Variants in CCSER1 observed in about 807,000 individuals in gnomAD.
CCSER1 encodes the protein coiled-coil serine rich protein 1, also known as serine-rich coiled-coil domain-containing protein 1.
CCSER1 carries 41 observed loss-of-function variants against 82.0 expected under a neutral mutation model. That is an observed-to-expected ratio of 0.50 (90% CI 0.39 to 0.65). The LOEUF is 0.65. CCSER1 is among the 30% of genes least tolerant of loss of function. The pLI, the probability that CCSER1 is intolerant of heterozygous loss-of-function variation, is 0.00. For synonymous variants in CCSER1, 414 were observed against 383.9 expected, an observed-to-expected ratio of 1.08 and a Z score of -0.92; for missense variants, 1,119 against 1,064.2, an observed-to-expected ratio of 1.05 and a Z score of -0.72.
At chr4:90,904,820 G>A (rs1251166471) in intron 8 of CCSER1, among the ~76,000 whole-genome samples, 1 of 152,064 alleles carries the variant, frequency 6.6e-6, no homozygotes, top group Non-Finnish European at 1.5e-5. Flanking sequence ...CTACATACCT[G>A]CTTGGATGTT....
chr4:91,573,164 G>T (rs1413733661), intron 10 of CCSER1, among the ~76,000 whole-genome samples: 2 of 152,198 alleles, frequency 1.3e-5, no homozygotes, highest in Admixed American at 6.5e-5. Context: ...ACCCTGGTTG[G>T]CTTGTACTCC....
At chr4:91,598,464 T>C (rs1439001802) in intron 10 of CCSER1, 108 bp from the exon 11 acceptor site, 1 of 1,187,728 alleles carries the variant, frequency 8.4e-7, no homozygotes, top group East Asian at 2.6e-5. Flanking sequence ...TAAACCTCAT[T>C]GAAAATTTAC....
At chr4:91,422,216 A>G (rs996926690) in intron 10 of CCSER1, among the ~76,000 whole-genome samples, 2 of 152,112 alleles carry the variant, frequency 1.3e-5, no homozygotes, top group African/African-American at 4.8e-5. Flanking sequence ...TTGTTACATC[A>G]GCAAAAAAAA....
intron 6 of CCSER1, among the ~76,000 whole-genome samples, 200 bp downstream of exon 6, chr4:90,628,432 T>C (rs918378804): frequency 1.3e-5 from 2 of 152,150 alleles, no homozygotes; most frequent in Admixed American, 1.3e-4. Context: ...AGCCTTAAAA[T>C]TGTAAGAGTT....
chr4:90,141,273 G>T (rs1215022029), intron 1 of CCSER1, among the ~76,000 whole-genome samples: 4 of 152,072 alleles, frequency 2.6e-5, no homozygotes, highest in Non-Finnish European at 5.9e-5. Flanking sequence ...AGGGTAATCT[G>T]CTTTACTTAA....
At chr4:91,046,916 G>C (rs1742554446) in intron 9 of CCSER1, among the ~76,000 whole-genome samples, 1 of 151,916 alleles carries the variant, frequency 6.6e-6, no homozygotes, top group Admixed American at 6.6e-5. Flanking sequence ...CAGGCTTTCA[G>C]CATGTTGGCC....
intron 10 of CCSER1, among the ~76,000 whole-genome samples, chr4:91,344,390 A>G (rs569579046): frequency 1.3e-5 from 2 of 152,338 alleles, no homozygotes; most frequent in African/African-American, 4.8e-5. Flanking sequence ...TAATAATTAT[A>G]ACAAAGAAAT....
chr4:90,825,592 A>C (rs1760313856), intron 8 of CCSER1, among the ~76,000 whole-genome samples: 1 of 152,140 alleles, frequency 6.6e-6, no homozygotes, highest in African/African-American at 2.4e-5. Context: ...AAATTACAGC[A>C]AATTTAGTTT....
chr4:90,562,841 CT>C (rs535276224), intron 5 of CCSER1, among the ~76,000 whole-genome samples: 53 of 133,412 alleles, frequency 4.0e-4, no homozygotes, highest in East Asian at 2.2e-3. Context: ...CCCAGCCTCC[CT>C]TTTTTTTTTT....
intron 10 of CCSER1, among the ~76,000 whole-genome samples, chr4:91,509,797 A>C (rs1284796820): frequency 6.6e-6 from 1 of 152,204 alleles, no homozygotes; most frequent in African/African-American, 2.4e-5. Context: ...CATAATTAAT[A>C]GAATATAGAT....
chr4:91,325,743 A>C (rs1746512449), intron 10 of CCSER1, among the ~76,000 whole-genome samples: 1 of 152,220 alleles, frequency 6.6e-6, no homozygotes, highest in Non-Finnish European at 1.5e-5. Context: ...TCACTTTTAT[A>C]CTATTTCAGT....
Position 90,753,461 on chromosome 4 carries a change from G to T in CCSER1, c.2010+29470G>T, listed in dbSNP as rs546379537. ...AAAAATAAGAGAGAGAGAGGAAAAAGAATAGAAATTCATACTTGATTTTTC... is the reference window on the plus strand; with the variant it reads ...AAAAATAAGAGAGAGAGAGGAAAAATAATAGAAATTCATACTTGATTTTTC... On this transcript the variant is annotated intron_variant, in intron 7 of 10. Transcript: ENST00000509176. 1.2e-4 allele frequency among the ~76,000 whole-genome samples: 19 copies of T among 152,174 alleles called. No individual in the cohort carries two copies. In the East Asian group the frequency reaches 3.7e-3, roughly 29 times the overall value.
At chr4:90,440,515 T>A (rs1759710474) in intron 4 of CCSER1, among the ~76,000 whole-genome samples, 1 of 152,180 alleles carries the variant, frequency 6.6e-6, no homozygotes, top group Non-Finnish European at 1.5e-5. Context: ...GAGATAATTA[T>A]CCTTGGCTAC....
intron 4 of CCSER1, among the ~76,000 whole-genome samples, chr4:90,408,834 A>G (rs1271352742): frequency 6.6e-6 from 1 of 152,194 alleles, no homozygotes; most frequent in African/African-American, 2.4e-5. Flanking sequence ...AAACTACTCC[A>G]AGCTAAAGGA....
At chr4:90,715,279 C>A (rs1372568434) in intron 6 of CCSER1, among the ~76,000 whole-genome samples, 1 of 151,988 alleles carries the variant, frequency 6.6e-6, no homozygotes, top group Non-Finnish European at 1.5e-5. Context: ...ACCTACTCGT[C>A]CCTATGTGAA....
chr4:90,566,545 G>A (rs1779400719), intron 5 of CCSER1, among the ~76,000 whole-genome samples: 1 of 151,172 alleles, frequency 6.6e-6, no homozygotes, highest in Non-Finnish European at 1.5e-5. Context: ...TGCATCAAGG[G>A]CTTTATTCAT....
At chr4:90,926,007 T>A (rs774627947) in intron 9 of CCSER1, among the ~76,000 whole-genome samples, 1 of 152,016 alleles carries the variant, frequency 6.6e-6, no homozygotes, top group African/African-American at 2.4e-5. Flanking sequence ...TAAAACACTT[T>A]CAGTATCATA....
chr4:90,403,498 C>CAAAAAAA (rs753570201), intron 4 of CCSER1, among the ~76,000 whole-genome samples: 731 of 38,958 alleles, frequency 0.019, no homozygotes, highest in Non-Finnish European at 0.025. Flanking sequence ...GACTCCGTCT[C>CAAAAAAA]AAAAAAAAAA....
intron 1 of CCSER1, among the ~76,000 whole-genome samples, chr4:90,246,788 T>C (rs753268314): frequency 3.3e-5 from 5 of 152,108 alleles, no homozygotes; most frequent in Admixed American, 6.6e-5. Flanking sequence ...ATGTAAGAAG[T>C]TATGTGAATG....
Sources: gnomAD v4.1 joint callset for allele counts (sites outside exome capture counted in the v4.1 genomes callset) on GRCh38, gnomAD v4.1.1 for gene constraint, MANE v1.5 for transcripts, NCBI Gene and HGNC (gene_info 2026-07-23, HGNC 2026-07-21) for gene names.